Variants in RPTOR observed in about 807,000 individuals in gnomAD.
RPTOR encodes the protein regulatory-associated protein of mTOR.
RPTOR carries 21 observed loss-of-function variants against 169.9 expected under a neutral mutation model. The observed-to-expected ratio is 0.12, with a 90% CI of 0.09 to 0.18. The LOEUF (loss-of-function observed/expected upper bound fraction) is 0.18. Among genes scored for constraint, RPTOR ranks in the 10% least tolerant of loss-of-function variants. The pLI, the probability that RPTOR is intolerant of heterozygous loss-of-function variation, is 1.00. For missense variants in RPTOR, 1,133 were observed against 1,855.9 expected (o/e 0.61, Z 7.16); for synonymous variants, 732 against 753.2 (o/e 0.97, Z 0.46).
chr17:80,920,597 C>T (rs190812048), intron 21 of RPTOR, among the ~76,000 whole-genome samples: 78 of 152,356 alleles, frequency 5.1e-4, no homozygotes, highest in Admixed American at 2.9e-3. Context: ...CTCCCACGGG[C>T]GCTTCCGTGC....
At chr17:80,790,318 C>T (rs1024219906) in intron 6 of RPTOR, among the ~76,000 whole-genome samples, 5 of 152,246 alleles carry the variant, frequency 3.3e-5, no homozygotes, top group Non-Finnish European at 5.9e-5. Flanking sequence ...ATAACTTCCT[C>T]TCTGCTGGCT....
chr17:80,673,398 T>C (rs931816637), intron 3 of RPTOR, among the ~76,000 whole-genome samples: 3 of 152,188 alleles, frequency 2.0e-5, no homozygotes, highest in East Asian at 1.9e-4. Flanking sequence ...ATGCGAGCAA[T>C]GAGCAGGAGC....
chr17:80,553,949 C>T (rs1464287866), intron 1 of RPTOR, among the ~76,000 whole-genome samples: 1 of 152,056 alleles, frequency 6.6e-6, no homozygotes, highest in Non-Finnish European at 1.5e-5. Flanking sequence ...GCCATATTGG[C>T]CAGGCTGGTC....
chr17:80,645,071 G>A (rs1056730805), intron 3 of RPTOR, among the ~76,000 whole-genome samples: 2 of 152,204 alleles, frequency 1.3e-5, no homozygotes, highest in Non-Finnish European at 2.9e-5. Context: ...TTTGGGGATG[G>A]CATGAGGACT....
intron 6 of RPTOR, among the ~76,000 whole-genome samples, chr17:80,790,834 G>T (rs2067039995): frequency 6.6e-6 from 1 of 152,136 alleles, no homozygotes; most frequent in Non-Finnish European, 1.5e-5. Context: ...TTTTTACTCT[G>T]CTGCCTCGAT....
chr17:80,767,644 G>C (rs1174469191), intron 6 of RPTOR, among the ~76,000 whole-genome samples: 3 of 152,166 alleles, frequency 2.0e-5, no homozygotes, highest in Non-Finnish European at 4.4e-5. Context: ...GAACAGAATA[G>C]ACAGACAACC....
At chr17:80,723,946 C>A (rs542591846) in intron 4 of RPTOR, among the ~76,000 whole-genome samples, 5 of 151,228 alleles carry the variant, frequency 3.3e-5, no homozygotes, top group South Asian at 2.1e-4. Context: ...ATTAGAGGAG[C>A]CTGTCTGTTG....
rs1313369751 is a variant in RPTOR at position 80,960,353 on chromosome 17, T to C, written c.3605+148T>C. The stretch of plus-strand genomic sequence containing the variant: ...GCCTGCAGTGGCGTATTTAGGCCAG[T>C]CCTGGGCTCCCCAAAGCCGCCAGGC... On this transcript the variant is annotated intron_variant, in intron 30 of 33. Coordinates refer to ENST00000306801, the MANE Select transcript of RPTOR (RefSeq NM_020761.3). This position sits in a 1 kb window ranked among gnomAD's most constrained non-coding sequence, Gnocchi z 4.8. 1 of 1,124,588 alleles carries C rather than the reference T, an allele frequency of 8.9e-7. No individual in the cohort carries two copies. The highest frequency in any genetic ancestry group is 1.3e-6 in the Non-Finnish European group (1 of 797,344). The allele number at this position is 1,124,588 out of a possible 1,614,324, so 69.7% of individuals were successfully genotyped here.
intron 6 of RPTOR, among the ~76,000 whole-genome samples, chr17:80,772,110 A>G (rs939816636): frequency 6.6e-6 from 1 of 152,160 alleles, no homozygotes; most frequent in Non-Finnish European, 1.5e-5. Flanking sequence ...CCTGACACTA[A>G]TTTCTGCACA....
chr17:80,651,797 C>G lies in RPTOR; in HGVS notation c.348+7987C>G, dbSNP rs1224099297. ...CTTTGGGAGGCCGAGGCGGGTGGAT[C>G]GTGAGGTCAGGAGATCGAGACCATG... is the stretch of plus-strand genomic sequence containing the variant. On this transcript the variant is annotated intron_variant, in intron 3 of 33. Coordinates refer to ENST00000306801, the MANE Select transcript of RPTOR (RefSeq NM_020761.3). The surrounding 1 kb of genome is among the most constrained non-coding windows in gnomAD (Gnocchi z 4.1). Among the ~76,000 whole-genome samples the G allele has an allele frequency of 6.6e-6, 1 of 151,892 alleles. No individual in the cohort carries two copies. Among genetic ancestry groups the G allele is most frequent in the East Asian group, 1.9e-4 (1 of 5,170 alleles).
intron 20 of RPTOR, among the ~76,000 whole-genome samples, chr17:80,904,313 C>T (rs953687507): frequency 1.8e-4 from 27 of 152,346 alleles, no homozygotes; most frequent in Admixed American, 1.5e-3. Flanking sequence ...CCATCACAGA[C>T]TGGGTGAGCA....
At chr17:80,738,701 C>G (rs901012168) in intron 5 of RPTOR, among the ~76,000 whole-genome samples, 3 of 152,302 alleles carry the variant, frequency 2.0e-5, no homozygotes, top group African/African-American at 7.2e-5. Flanking sequence ...CATAAGCTTA[C>G]TTTACATTTG....
intron 13 of RPTOR, among the ~76,000 whole-genome samples, chr17:80,879,922 G>A (rs57871195): frequency 0.015 from 2,212 of 152,358 alleles, 56 homozygotes; most frequent in African/African-American, 0.05. Flanking sequence ...CTGCTCAAGT[G>A]GGACTGTGCA....
chr17:80,918,349 G>C (rs2068699313), intron 21 of RPTOR, among the ~76,000 whole-genome samples: 1 of 152,210 alleles, frequency 6.6e-6, no homozygotes, highest in African/African-American at 2.4e-5. Flanking sequence ...TGGCGGCCGG[G>C]AATCTGTTCT....
At chr17:80,725,297 A>T (rs935506935) in intron 4 of RPTOR, among the ~76,000 whole-genome samples, 1 of 152,238 alleles carries the variant, frequency 6.6e-6, no homozygotes, top group Non-Finnish European at 1.5e-5. Context: ...TGTTTAATAT[A>T]ACCTGACAGA....
intron 7 of RPTOR, among the ~76,000 whole-genome samples, chr17:80,791,915 T>C (rs542145559): frequency 2.0e-4 from 31 of 151,646 alleles, no homozygotes; most frequent in African/African-American, 6.8e-4. Flanking sequence ...CCTCCCCCCC[T>C]GTCGCCATCC....
intron 3 of RPTOR, among the ~76,000 whole-genome samples, chr17:80,699,879 C>T (rs576960947): frequency 3.4e-4 from 34 of 98,866 alleles, no homozygotes; most frequent in East Asian, 1.5e-3. Context: ...AGAGGTGCTA[C>T]GCACAGTACC....
rs1318437527 is a variant in RPTOR, at chr17:80,840,993, A to G, written c.1212+2996A>G. On this transcript the variant is annotated intron_variant, in intron 10 of 33. Transcript: ENST00000306801. ...GGCAGCTCACATTCACCACACGGCAACTCACTCTCACCACACGGCAGCTCA... is the reference window on the plus strand; with the variant it reads ...GGCAGCTCACATTCACCACACGGCAGCTCACTCTCACCACACGGCAGCTCA... Among the ~76,000 whole-genome samples the G allele has an allele frequency of 1.9e-3, 9 of 4,738 alleles. 1 individual carries two copies. Among genetic ancestry groups the G allele is most frequent in the African/African-American group, 0.011 (4 of 372 alleles). 3.1% of individuals were successfully genotyped at this position (4,738 alleles called of 152,430 possible). A position where few individuals can be genotyped will look rare whatever the true frequency, so the allele number is the denominator to read the frequency against.
At chr17:80,874,751 C>T (rs1352729856) in intron 13 of RPTOR, among the ~76,000 whole-genome samples, 1 of 152,176 alleles carries the variant, frequency 6.6e-6, no homozygotes, top group Non-Finnish European at 1.5e-5. Context: ...ATATCAACAT[C>T]TCAGCACAGC....
Sources: allele counts gnomAD v4.1 joint callset (sites outside exome capture counted in the v4.1 genomes callset), GRCh38; gene constraint gnomAD v4.1.1; non-coding constraint Gnocchi (gnomAD v3.1); transcripts MANE v1.5; gene names NCBI Gene and HGNC (gene_info 2026-07-23, HGNC 2026-07-21).